The following TMEM132C variants were observed in gnomAD, a reference collection of about 807,000 sequenced individuals.
TMEM132C encodes the protein protein phosphatase 1, regulatory subunit 152.
TMEM132C carries 29 observed loss-of-function variants against 61.4 expected under a neutral mutation model. The observed-to-expected ratio is 0.47, with a 90% CI of 0.35 to 0.64. The LOEUF (loss-of-function observed/expected upper bound fraction) is 0.64. Among genes scored for constraint, TMEM132C ranks in the 30% least tolerant of loss-of-function variants. The pLI is 0.00. For missense variants in TMEM132C, 1,408 were observed against 1,476.9 expected, an observed-to-expected ratio of 0.95 and a Z score of 0.76; for synonymous variants, 656 against 633.1, an observed-to-expected ratio of 1.04 and a Z score of -0.54.
intron 1 of TMEM132C, among the ~76,000 whole-genome samples, chr12:128,413,307 A>AAAC (rs1252146992): frequency 6.6e-6 from 1 of 150,604 alleles, no homozygotes; most frequent in Non-Finnish European, 1.5e-5. Flanking sequence ...TCAAAAAAAA[A>AAAC]AAAAAAAAAA....
intron 5 of TMEM132C, among the ~76,000 whole-genome samples, chr12:128,670,748 T>TA (rs1954524356): frequency 6.6e-6 from 1 of 152,172 alleles, no homozygotes; most frequent in South Asian, 2.1e-4. Context: ...GCAGGTAACT[T>TA]CAATAAGTGA....
chr12:128,539,608 ACT>A (rs1003937310), intron 2 of TMEM132C, among the ~76,000 whole-genome samples: 3 of 152,070 alleles, frequency 2.0e-5, no homozygotes, highest in Admixed American at 6.6e-5. Context: ...ACAGAGCAAG[ACT>A]CTGTCTCAAA....
intron 2 of TMEM132C, among the ~76,000 whole-genome samples, chr12:128,530,735 G>A (rs1873265078): frequency 6.6e-6 from 1 of 152,200 alleles, no homozygotes; most frequent in East Asian, 1.9e-4. Context: ...GAGCCACCAT[G>A]CCCGGCCTCC....
intron 5 of TMEM132C, among the ~76,000 whole-genome samples, chr12:128,669,904 A>G: frequency 6.6e-6 from 1 of 152,236 alleles, no homozygotes; most frequent in Non-Finnish European, 1.5e-5. Context: ...AAAAGTAATT[A>G]TGGTTCTTGC....
chr12:128,279,784 A>G (rs1592995174), intron 1 of TMEM132C, among the ~76,000 whole-genome samples: 1 of 152,044 alleles, frequency 6.6e-6, no homozygotes, highest in Admixed American at 6.6e-5. Context: ...CCCTGTCCCT[A>G]TTTTGTCCTT....
intron 1 of TMEM132C, among the ~76,000 whole-genome samples, chr12:128,285,521 C>T (rs553167291): frequency 6.6e-6 from 1 of 152,156 alleles, no homozygotes; most frequent in African/African-American, 2.4e-5. Context: ...CCAGTGTAGG[C>T]AGCAGAGGAA....
chr12:128,314,900 A>G (rs1872094509), intron 1 of TMEM132C, among the ~76,000 whole-genome samples: 1 of 152,214 alleles, frequency 6.6e-6, no homozygotes. Flanking sequence ...ATGAAATCAA[A>G]TGGTTGTGAG....
At chr12:128,458,688 T>C (rs553522795) in intron 2 of TMEM132C, among the ~76,000 whole-genome samples, 33 of 152,304 alleles carry the variant, frequency 2.2e-4, no homozygotes, top group Non-Finnish European at 1.5e-5. Context: ...GGGAGATTGA[T>C]TGGTTGCTTT....
intron 2 of TMEM132C, among the ~76,000 whole-genome samples, chr12:128,421,566 G>A (rs748144461): frequency 9.9e-5 from 15 of 151,286 alleles, no homozygotes; most frequent in Non-Finnish European, 1.8e-4. Context: ...GAAACTTGGC[G>A]TGAACCTTCT....
Position 128,706,602 on chromosome 12 carries a change from C to A in TMEM132C, c.*307C>A. On this transcript the variant is annotated 3_prime_UTR_variant, in exon 9 of 9. Coordinates refer to ENST00000435159, the MANE Select transcript of TMEM132C (RefSeq NM_001136103.3). Reference sequence around the variant, plus strand: ...TGAGTCAAAACATACTACAGACAAGCTACCAAAAATTATTTGTTAAAAAAT... The same window carrying A: ...TGAGTCAAAACATACTACAGACAAGATACCAAAAATTATTTGTTAAAAAAT... 3.9e-6 allele frequency: 1 copy of A among 256,672 alleles called. No individual in the cohort carries two copies. The highest frequency in any genetic ancestry group is 7.3e-6 in the Non-Finnish European group (1 of 136,814). 15.9% of individuals were successfully genotyped at this position (256,672 alleles called of 1,614,324 possible).
chr12:128,473,200 A>C (rs112715623), intron 2 of TMEM132C, among the ~76,000 whole-genome samples: 8 of 37,350 alleles, frequency 2.1e-4, no homozygotes, highest in Non-Finnish European at 3.4e-4. Context: ...TCCAGCCACT[A>C]TCTTCATCTT....
intron 2 of TMEM132C, among the ~76,000 whole-genome samples, chr12:128,500,622 A>G (rs761154924): frequency 2.6e-5 from 4 of 152,208 alleles, no homozygotes; most frequent in Admixed American, 6.5e-5. Flanking sequence ...TTAGGGAAAT[A>G]CAGAGCAAAA....
rs746355407 is a variant in TMEM132C, at chr12:128,705,296, C to T, written c.2328C>T (p.Ala776=). Residue 776 remains alanine (A), a synonymous_variant, in exon 9 of 9, where the codon GCC becomes GCT. Coordinates refer to ENST00000435159, the MANE Select transcript of TMEM132C (RefSeq NM_001136103.3). ...GPLIRVDMTI[A]EACQKSKRKS... ...TGATCCGAGTGGACATGACGATCGCCGAGGCCTGCCAGAAATCTAAACGCA... is the reference window on the plus strand; with the variant it reads ...TGATCCGAGTGGACATGACGATCGCTGAGGCCTGCCAGAAATCTAAACGCA... 4.4e-5 allele frequency: 69 copies of T among 1,551,400 alleles called. No homozygotes were observed. In the Middle Eastern group the frequency reaches 6.7e-4, roughly 15 times the overall value.
intron 2 of TMEM132C, among the ~76,000 whole-genome samples, chr12:128,436,091 G>T (rs1348778602): frequency 6.6e-6 from 1 of 152,122 alleles, no homozygotes; most frequent in Non-Finnish European, 1.5e-5. Context: ...AAACTGGCTA[G>T]CCATATGTAG....
intron 4 of TMEM132C, among the ~76,000 whole-genome samples, chr12:128,643,132 T>C (rs1418436589): frequency 1.3e-5 from 2 of 152,062 alleles, no homozygotes; most frequent in Non-Finnish European, 2.9e-5. Flanking sequence ...CAAGATCCTC[T>C]TTTTCTTTCC....
intron 5 of TMEM132C, among the ~76,000 whole-genome samples, chr12:128,689,017 C>T (rs1276879256): frequency 2.0e-5 from 3 of 151,792 alleles, no homozygotes; most frequent in South Asian, 2.1e-4. Flanking sequence ...AGGGTTTCAC[C>T]ATGTTGGCCA....
intron 5 of TMEM132C, among the ~76,000 whole-genome samples, chr12:128,675,709 T>C (rs1188412076): frequency 3.9e-5 from 6 of 152,040 alleles, no homozygotes; most frequent in Non-Finnish European, 7.4e-5. Flanking sequence ...GATATGTGAA[T>C]AGATGGGTGG....
chr12:128,303,515 T>C (rs1720205549), intron 1 of TMEM132C, among the ~76,000 whole-genome samples: 1 of 152,220 alleles, frequency 6.6e-6, no homozygotes, highest in South Asian at 2.1e-4. Flanking sequence ...TCCTGACCAC[T>C]TATTCACTGG....
At chr12:128,479,834 A>G (rs141004078) in intron 2 of TMEM132C, among the ~76,000 whole-genome samples, 1 of 152,320 alleles carries the variant, frequency 6.6e-6, no homozygotes, top group East Asian at 1.9e-4. Flanking sequence ...TGATAATAGT[A>G]TCCATCTCAT....
Sources: allele counts gnomAD v4.1 joint callset (sites outside exome capture counted in the v4.1 genomes callset), GRCh38; gene constraint gnomAD v4.1.1; transcripts MANE v1.5; gene names NCBI Gene and HGNC (gene_info 2026-07-23, HGNC 2026-07-21).